Variants in GPC5 observed in about 807,000 individuals in gnomAD.
The protein encoded by GPC5 is glypican-5.
A neutral mutation model predicts 53.9 loss-of-function variants in GPC5; 47 were observed. The observed-to-expected ratio is 0.87, with a 90% CI of 0.69 to 1.11. The LOEUF is 1.11. GPC5 is among the 50% of genes most tolerant of loss of function. GPC5 has a pLI of 0.00. For missense variants in GPC5, 748 were observed against 713.1 expected, an observed-to-expected ratio of 1.05 and a Z score of -0.56; for synonymous variants, 286 against 263.3, an observed-to-expected ratio of 1.09 and a Z score of -0.84.
chr13:92,748,475 G>A (rs573238233), intron 7 of GPC5, among the ~76,000 whole-genome samples: 1 of 151,744 alleles, frequency 6.6e-6, no homozygotes, highest in South Asian at 2.1e-4. Context: ...GGTATTACAG[G>A]CGCCCTGCTA....
intron 5 of GPC5, among the ~76,000 whole-genome samples, chr13:91,818,137 A>G (rs1293076341): frequency 6.6e-6 from 1 of 152,202 alleles, no homozygotes; most frequent in Non-Finnish European, 1.5e-5. Context: ...ACCACATATG[A>G]TATATGACAT....
intron 7 of GPC5, among the ~76,000 whole-genome samples, chr13:92,245,946 G>A (rs1293458178): frequency 6.6e-6 from 1 of 151,714 alleles, no homozygotes; most frequent in African/African-American, 2.4e-5. Context: ...TGAATAGGGT[G>A]GGCCCTATAT....
intron 6 of GPC5, among the ~76,000 whole-genome samples, chr13:92,114,535 G>A (rs777548613): frequency 3.9e-5 from 6 of 152,144 alleles, no homozygotes; most frequent in Admixed American, 6.5e-5. Context: ...TGCTCCTAGA[G>A]TAATCAGAAG....
At chr13:91,703,101 A>G (rs1011784472) in intron 3 of GPC5, among the ~76,000 whole-genome samples, 4 of 152,034 alleles carry the variant, frequency 2.6e-5, no homozygotes, top group African/African-American at 9.7e-5. Flanking sequence ...TTTTCTGTAA[A>G]TAAGATCATG....
chr13:92,607,286 T>G (rs111283210), intron 7 of GPC5, among the ~76,000 whole-genome samples: 1 of 152,198 alleles, frequency 6.6e-6, no homozygotes, highest in African/African-American at 2.4e-5. Context: ...ACCAGCTCAA[T>G]TACTTTTAAT....
intron 3 of GPC5, among the ~76,000 whole-genome samples, chr13:91,719,344 G>A (rs996571049): frequency 5.2e-4 from 79 of 152,332 alleles, no homozygotes; most frequent in African/African-American, 1.8e-3. Flanking sequence ...CTGACTGCTA[G>A]GATCAAGTCT....
intron 7 of GPC5, among the ~76,000 whole-genome samples, chr13:92,786,798 A>G (rs1876248724): frequency 6.6e-6 from 1 of 152,184 alleles, no homozygotes; most frequent in African/African-American, 2.4e-5. Flanking sequence ...GACCAGACTC[A>G]CTGGCATCCA....
intron 1 of GPC5, among the ~76,000 whole-genome samples, chr13:91,405,336 C>G (rs955121431): frequency 6.6e-6 from 1 of 152,178 alleles, no homozygotes; most frequent in Admixed American, 6.5e-5. Context: ...CACTCTCCAC[C>G]AAGTCGTGAT....
intron 7 of GPC5, among the ~76,000 whole-genome samples, chr13:92,545,277 C>T (rs533738778): frequency 1.1e-4 from 16 of 152,256 alleles, no homozygotes; most frequent in African/African-American, 3.4e-4. Context: ...GCATAGTATT[C>T]CATGGTGTAT....
chr13:92,584,573 G>C (rs1188179717), intron 7 of GPC5, among the ~76,000 whole-genome samples: 3 of 152,158 alleles, frequency 2.0e-5, no homozygotes, highest in African/African-American at 7.2e-5. Flanking sequence ...CAATATGATA[G>C]AAAAGAAAAT....
intron 5 of GPC5, among the ~76,000 whole-genome samples, chr13:91,895,778 A>T (rs1178985714): frequency 6.6e-6 from 1 of 152,104 alleles, no homozygotes; most frequent in African/African-American, 2.4e-5. Context: ...AGGACAAACG[A>T]TCATGAACGG....
intron 7 of GPC5, among the ~76,000 whole-genome samples, chr13:92,544,449 G>A (rs1246166801): frequency 6.6e-6 from 1 of 152,112 alleles, no homozygotes; most frequent in Non-Finnish European, 1.5e-5. Context: ...GAATAGACCT[G>A]GAGGAATTTT....
At position 92,161,956 on chromosome 13, in the gene GPC5, C is replaced by CATATATATATATAT. The variant is rs55867004; in HGVS notation, c.1561+16994_1561+17007dup. 1.5e-3 allele frequency among the ~76,000 whole-genome samples: 148 copies of CATATATATATATAT among 96,002 alleles called. 5 individuals carry two copies. Among genetic ancestry groups the CATATATATATATAT allele is most frequent in the Non-Finnish European group, 2.4e-3 (112 of 47,004 alleles). 63.0% of individuals were successfully genotyped at this position (96,002 alleles called of 152,430 possible). On this transcript the variant is annotated intron_variant, in intron 7 of 7. Coordinates refer to ENST00000377067, the MANE Select transcript of GPC5 (RefSeq NM_004466.6). ...ATTTGCCTATTAAGTAATATATAGCCATATATATATATATATATATATATA... is the reference window on the plus strand; with the variant it reads ...ATTTGCCTATTAAGTAATATATAGCCATATATATATATATATATATATATATATATATATATATA...
chr13:91,643,428 TATGATGTAAA>T (rs2034482334), intron 2 of GPC5, among the ~76,000 whole-genome samples: 1 of 152,196 alleles, frequency 6.6e-6, no homozygotes, highest in Non-Finnish European at 1.5e-5. Context: ...TGAGATATGC[TATGATGTAAA>T]ATATACACCA....
intron 6 of GPC5, among the ~76,000 whole-genome samples, chr13:92,144,257 A>G (rs1459558405): frequency 1.3e-5 from 2 of 152,200 alleles, no homozygotes; most frequent in Non-Finnish European, 2.9e-5. Flanking sequence ...ATTTGTAGAA[A>G]TGGATGTAGG....
chr13:92,087,474 C>CA (rs1242541961), intron 6 of GPC5, among the ~76,000 whole-genome samples: 4 of 152,150 alleles, frequency 2.6e-5, no homozygotes, highest in African/African-American at 4.8e-5. Flanking sequence ...ATGCCAATTT[C>CA]AAAAAAATAC....
intron 2 of GPC5, among the ~76,000 whole-genome samples, chr13:91,544,712 C>T (rs1233057933): frequency 6.6e-6 from 1 of 152,148 alleles, no homozygotes; most frequent in Non-Finnish European, 1.5e-5. Context: ...CAACACTGTT[C>T]TAGTTATCTG....
intron 7 of GPC5, among the ~76,000 whole-genome samples, chr13:92,439,223 G>A (rs1382031614): frequency 6.6e-6 from 1 of 152,162 alleles, no homozygotes; most frequent in African/African-American, 2.4e-5. Flanking sequence ...TCTAGAGGAA[G>A]AACCAGGCAA....
chr13:92,401,982 A>G (rs1875579781), intron 7 of GPC5, among the ~76,000 whole-genome samples: 1 of 152,172 alleles, frequency 6.6e-6, no homozygotes, highest in African/African-American at 2.4e-5. Context: ...TTGCTAAAAG[A>G]AAAAGTTTTT....
Sources: allele counts gnomAD v4.1 joint callset (sites outside exome capture counted in the v4.1 genomes callset), GRCh38; gene constraint gnomAD v4.1.1; transcripts MANE v1.5; gene names NCBI Gene and HGNC (gene_info 2026-07-23, HGNC 2026-07-21).